The following PSMD2 variants were observed in gnomAD, a reference collection of about 807,000 sequenced individuals.
The protein encoded by PSMD2 is 26S proteasome non-ATPase regulatory subunit 2.
Under a neutral mutation model 101.5 loss-of-function variants are expected in PSMD2, and 8 were observed. The ratio of observed to expected loss-of-function variants is 0.08; its 90% CI spans 0.05 to 0.14. PSMD2 has a LOEUF of 0.14. Among genes scored for constraint, PSMD2 ranks in the 10% least tolerant of loss-of-function variants. The pLI is 1.00. For synonymous variants in PSMD2, 418 were observed against 433.8 expected, an observed-to-expected ratio of 0.96 and a Z score of 0.45; for missense variants, 784 against 1,147.4, an observed-to-expected ratio of 0.68 and a Z score of 4.58.
chr3:184,301,291 A>G (rs1721634904), intron 3 of PSMD2, among the ~76,000 whole-genome samples: 2 of 151,784 alleles, frequency 1.3e-5, no homozygotes, highest in Admixed American at 1.3e-4. Flanking sequence ...AACCGAGAGC[A>G]CACCATTGCA....
At chr3:184,306,702 GT>G (rs745662533) in intron 15 of PSMD2, 48 bp from the exon 16 acceptor site, 2 of 1,584,730 alleles carry the variant, frequency 1.3e-6, no homozygotes, top group African/African-American at 2.7e-5. Context: ...AAGGGTGACT[GT>G]TTTTTATTCC....
At position 184,300,582 on chromosome 3, in the gene PSMD2, A is replaced by G. The variant is rs141229079; in HGVS notation, c.357+138A>G. 191 of 1,441,080 alleles carry G rather than the reference A, an allele frequency of 1.3e-4. No homozygotes were observed. The African/African-American group carries it at 2.2e-3, about 17-fold the overall frequency. 89.3% of individuals were successfully genotyped at this position (1,441,080 alleles called of 1,614,324 possible). On this transcript the variant is annotated intron_variant, in intron 3 of 20. Transcript: ENST00000310118. ...ATTTGAGCAGAGTTCATCACAGTCA[A>G]AATATCTACAGAAGAGCTGAAAGGA...
rs199831360 is a variant in PSMD2 at position 184,299,430 on chromosome 3, G to T, written c.135+29G>T. The T allele has an allele frequency of 2.6e-3, 3,425 of 1,331,156 alleles. 7 individuals are homozygous for T. The highest frequency in any genetic ancestry group is 5.7e-3 in the Admixed American group (147 of 25,992). 82.5% of individuals were successfully genotyped at this position (1,331,156 alleles called of 1,614,324 possible). Reference sequence around the variant, plus strand: ...AGGCGCGACCCCGAGAGTCGGCGAAGGAGGCTGCGGGGCTGAGTCACGGCG... The same window carrying T: ...AGGCGCGACCCCGAGAGTCGGCGAATGAGGCTGCGGGGCTGAGTCACGGCG... On this transcript the variant is annotated intron_variant, in intron 1 of 20. Coordinates refer to ENST00000310118, the MANE Select transcript of PSMD2 (RefSeq NM_002808.5).
At chr3:184,299,970 T>A in intron 2 of PSMD2, 63 bp downstream of exon 2, 1 of 1,473,828 alleles carries the variant, frequency 6.8e-7, no homozygotes, top group Non-Finnish European at 9.5e-7. Context: ...TTTTATTCTT[T>A]TTTGAGGCAA....
In PSMD2 at chr3:184,300,346, A is replaced by G. The variant is rs1560193304; in HGVS notation, c.259A>G (p.Thr87Ala). 6.2e-7 allele frequency: 1 copy of G among 1,613,906 alleles called. No individual in the cohort carries two copies. The highest frequency in any genetic ancestry group is 8.5e-7 in the Non-Finnish European group (1 of 1,179,762). The change falls in exon 3 of 21, where the codon ACT becomes GCT. Residue 87 changes from threonine to alanine, a missense_variant. Transcript: ENST00000310118. ...ELRRQIRSST[T>A]SMTSVPKPLK... ...GCGAAGGCAGATTCGTTCTTCTACA[A>G]CTTCCATGACTTCAGTGCCCAAGCC...
chr3:184,306,068 A>G lies in PSMD2; in HGVS notation c.1717A>G (p.Ile573Val). The G allele has an allele frequency of 6.2e-7, 1 of 1,614,214 alleles. No individual in the cohort carries two copies. Among genetic ancestry groups the G allele is most frequent in the Non-Finnish European group, 8.5e-7 (1 of 1,180,034 alleles). ...CTGTCCTGTAGGGAAGGGTGAGGCC[A>G]TCGAGGCAATCCTGGCTGCACTGGA... ...GLNHLGKGEA[I>V]EAILAALEVV... Residue 573 changes from isoleucine to valine, a missense_variant, in exon 14 of 21, where the codon ATC becomes GTC. Physicochemically the swap from Ile to Val is conservative, Grantham distance 29. Coordinates refer to ENST00000310118, the MANE Select transcript of PSMD2 (RefSeq NM_002808.5).
Position 184,306,488 on chromosome 3 carries a change from C to T in PSMD2, c.1943C>T (p.Ala648Val), listed in dbSNP as rs757881754. Residue 648 changes from alanine (A) to valine (V), a missense_variant, in exon 15 of 21, where the codon GCA becomes GTA. Physicochemically the swap from Ala to Val is moderately conservative, Grantham distance 64. Coordinates refer to ENST00000310118, the MANE Select transcript of PSMD2 (RefSeq NM_002808.5). ...DKKEAPADMG[A>V]HQGVAVLGIA... ...AAGGAAGCCCCTGCTGACATGGGAG[C>T]ACATCAGGTTATATGGGCAGCTGGG... 2 of 1,613,470 alleles carry T rather than the reference C, an allele frequency of 1.2e-6. No individual in the cohort carries two copies. The highest frequency in any genetic ancestry group is 2.2e-5 in the East Asian group (1 of 44,878).
At chr3:184,303,832 G>T (rs1396636179) in intron 10 of PSMD2, 83 bp downstream of exon 10, 6 of 1,601,120 alleles carry the variant, frequency 3.7e-6, no homozygotes, top group South Asian at 1.1e-5. Flanking sequence ...CACTGATGAG[G>T]TCTGCCCAGT....
At chr3:184,306,657 A>ACCT in intron 15 of PSMD2, 94 bp from the exon 16 acceptor site, 1 of 1,527,486 alleles carries the variant, frequency 6.5e-7, no homozygotes, top group South Asian at 1.2e-5. Context: ...TGTTCCCCAC[A>ACCT]GGATGGCTTT....
rs1326115171 is a variant in PSMD2, at chr3:184,307,875, C to T, written c.2299-15C>T. ...GTGGTAACTCCTCACCTCTACTTCC[C>T]TCTGTTTTTTTCAGGGCCTGACACA... On this transcript the variant is annotated splice_polypyrimidine_tract_variant and intron_variant, in intron 18 of 20. Coordinates refer to ENST00000310118, the MANE Select transcript of PSMD2 (RefSeq NM_002808.5). 8 of 1,613,916 alleles carry T rather than the reference C, an allele frequency of 5.0e-6. No homozygotes were observed. Among genetic ancestry groups the T allele is most frequent in the Non-Finnish European group, 6.8e-6 (8 of 1,180,006 alleles).
At chr3:184,306,689 G>A in intron 15 of PSMD2, 62 bp from the exon 16 acceptor site, 2 of 1,569,888 alleles carry the variant, frequency 1.3e-6, no homozygotes, top group Non-Finnish European at 1.7e-6. Flanking sequence ...TGGGACTTGA[G>A]TCAAGGGTGA....
chr3:184,307,821 G>C (rs1172720101), intron 18 of PSMD2, 69 bp from the exon 19 acceptor site: 10 of 1,609,384 alleles, frequency 6.2e-6, no homozygotes, highest in Middle Eastern at 3.3e-4. Flanking sequence ...GGAGATTTCT[G>C]TTTGGCTGGG....
In PSMD2 at chr3:184,303,640, T is replaced by C. The variant is rs1196409279; in HGVS notation, c.1217-3T>C. The C allele has an allele frequency of 1.2e-6, 2 of 1,614,154 alleles. No individual in the cohort carries two copies. Among genetic ancestry groups the C allele is most frequent in the Non-Finnish European group, 1.7e-6 (2 of 1,180,026 alleles). On this transcript the variant is annotated splice_polypyrimidine_tract_variant and splice_region_variant and intron_variant, in intron 9 of 20. Transcript: ENST00000310118. Reference sequence around the variant, plus strand: ...AAGACTAATAGATTCTTCCCTGGTATAGGAATGTTGAGTGCAGCTGCATCT... The same window carrying C: ...AAGACTAATAGATTCTTCCCTGGTACAGGAATGTTGAGTGCAGCTGCATCT...
At chr3:184,306,573 G>C (rs1253709326) in intron 15 of PSMD2, 78 bp downstream of exon 15, 2 of 1,562,038 alleles carry the variant, frequency 1.3e-6, no homozygotes, top group Admixed American at 2.0e-5. Flanking sequence ...TTTGGTTTTT[G>C]CTTTAGGGCC....
intron 3 of PSMD2, 70 bp downstream of exon 3, chr3:184,300,514 C>T (rs1397947701): frequency 2.5e-5 from 39 of 1,545,418 alleles, no homozygotes; most frequent in African/African-American, 1.4e-5. Flanking sequence ...TGGGGGGACT[C>T]ATTGTGAGTC....
rs533278381 is a variant in PSMD2 at position 184,306,882 on chromosome 3, G to A, written c.2034+48G>A. ...TGGAATATACTGGTTTTGATGGCCT[G>A]GGGTTCCCCAGGGAAGATTTTTCTG... On this transcript the variant is annotated intron_variant, in intron 16 of 20. Coordinates refer to ENST00000310118, the MANE Select transcript of PSMD2 (RefSeq NM_002808.5). 3.3e-6 allele frequency: 5 copies of A among 1,499,332 alleles called. No individual in the cohort carries two copies. In the East Asian group the frequency reaches 9.1e-5, roughly 27 times the overall value. The allele number at this position is 1,499,332 out of a possible 1,614,324, so 92.9% of individuals were successfully genotyped here.
intron 2 of PSMD2, 60 bp downstream of exon 2, chr3:184,299,967 CT>C: frequency 1.3e-6 from 2 of 1,501,736 alleles, no homozygotes; most frequent in South Asian, 1.1e-5. Context: ...TTGTTTTATT[CT>C]TTTTTGAGGC....
chr3:184,307,378 C>G lies in PSMD2; in HGVS notation c.2056C>G (p.Leu686Val). The G allele has an allele frequency of 6.2e-7, 1 of 1,614,196 alleles. No homozygotes were observed. Among genetic ancestry groups the G allele is most frequent in the East Asian group, 2.2e-5 (1 of 44,888 alleles). Residue 686 changes from leucine to valine, a missense_variant, in exon 17 of 21, where the codon CTC becomes GTC. Leu to Val is a conservative substitution (Grantham distance 32, BLOSUM62 1). Around this residue, in one of 6 missense-constraint regions of PSMD2, gnomAD observed 282 missense variants for 437.6 expected, o/e 0.64. Transcript: ENST00000310118. ...TCAGCTGAGATATGGGGAGCCTACA[C>G]TCCGGAGGGCTGTACCTTTAGCACT... ...GHLLRYGEPTLRRAVPLALAL... is the reference protein window; with the variant it reads ...GHLLRYGEPTVRRAVPLALAL...
At chr3:184,306,883 G>A in intron 16 of PSMD2, 49 bp downstream of exon 16, 1 of 1,460,592 alleles carries the variant, frequency 6.8e-7, no homozygotes, top group South Asian at 1.2e-5. Context: ...TGATGGCCTG[G>A]GGTTCCCCAG....
Sources: gnomAD v4.1 joint callset for allele counts (sites outside exome capture counted in the v4.1 genomes callset) on GRCh38, gnomAD v4.1.1 for gene constraint, gnomAD v4.1.1 regional missense constraint, MANE v1.5 for transcripts, NCBI Gene and HGNC (gene_info 2026-07-23, HGNC 2026-07-21) for gene names.